ZNF169: variants seen among roughly 807,000 people sequenced by gnomAD.
ZNF169 encodes zinc finger protein 169.
A neutral mutation model predicts 12.0 loss-of-function variants in ZNF169; 11 were observed. The observed-to-expected ratio is 0.92, with a 90% confidence interval of 0.58 to 1.52. The LOEUF is 1.52. Among genes scored for constraint, ZNF169 ranks in the 40% most tolerant of loss-of-function variants. ZNF169 has a pLI of 0.00. For missense variants in ZNF169, 722 were observed against 744.0 expected, an observed-to-expected ratio of 0.97 and a Z score of 0.34; for synonymous variants, 302 against 286.5, an observed-to-expected ratio of 1.05 and a Z score of -0.55.
chr9:94,291,117 T>G (rs916324423), intron 2 of ZNF169, among the ~76,000 whole-genome samples: 1 of 141,672 alleles, frequency 7.1e-6, no homozygotes, highest in Non-Finnish European at 1.5e-5. Flanking sequence ...TGTAGTGGTG[T>G]AATCTCGGCT....
intron 2 of ZNF169, among the ~76,000 whole-genome samples, chr9:94,289,875 G>A (rs572386027): frequency 2.0e-5 from 3 of 151,966 alleles, no homozygotes; most frequent in African/African-American, 7.2e-5. Context: ...AGTAACCCAT[G>A]AGAAATTTGT....
At position 94,292,968 on chromosome 9, in the gene ZNF169, G is replaced by C. The variant is rs1381754488; in HGVS notation, c.161-6G>C. ...GATCACCTTGGTTTTTTTTTCCTGTGAGTAGGAATTGCATTTTCCAAACCA... is the reference window on the plus strand; with the variant it reads ...GATCACCTTGGTTTTTTTTTCCTGTCAGTAGGAATTGCATTTTCCAAACCA... On this transcript the variant is annotated splice_polypyrimidine_tract_variant and splice_region_variant and intron_variant, in intron 3 of 4. Transcript: ENST00000395395. 6.3e-7 allele frequency: 1 copy of C among 1,599,680 alleles called. No individual in the cohort carries two copies. The highest frequency in any genetic ancestry group is 8.5e-7 in the Non-Finnish European group (1 of 1,173,194).
chr9:94,285,942 C>T (rs917686275), intron 2 of ZNF169, among the ~76,000 whole-genome samples: 4 of 150,390 alleles, frequency 2.7e-5, no homozygotes, highest in African/African-American at 4.9e-5. Flanking sequence ...ACCCAGGAGG[C>T]GGAGGTTGCA....
At chr9:94,279,077 C>G (rs550141906) in intron 2 of ZNF169, among the ~76,000 whole-genome samples, 6 of 152,094 alleles carry the variant, frequency 3.9e-5, no homozygotes, top group Non-Finnish European at 8.8e-5. Flanking sequence ...TACAGGACAT[C>G]CATGCTTATG....
chr9:94,269,472 G>A (rs1370837595), intron 1 of ZNF169, among the ~76,000 whole-genome samples: 1 of 152,116 alleles, frequency 6.6e-6, no homozygotes, highest in East Asian at 1.9e-4. Context: ...CCTCTGGAGG[G>A]TCCCCTGGGA....
chr9:94,289,637 A>G (rs1033598111), intron 2 of ZNF169, among the ~76,000 whole-genome samples: 2 of 152,124 alleles, frequency 1.3e-5, no homozygotes, highest in Non-Finnish European at 2.9e-5. Context: ...TAAAAATACA[A>G]AAATTAGCTG....
Position 94,300,633 on chromosome 9 carries a change from G to A in ZNF169, c.1075G>A (p.Ala359Thr), listed in dbSNP as rs1179414925. The A allele has an allele frequency of 5.0e-6, 8 of 1,613,814 alleles. No individual in the cohort carries two copies. The highest frequency in any genetic ancestry group is 3.3e-5 in the South Asian group (3 of 91,084). The stretch of plus-strand genomic sequence containing the variant: ...GTGTGGGAGAGGCTTTTGCCAGAAG[G>A]CATCACTCCTCCAGCACCAGAGCTC... ...PECGRGFCQK[A>T]SLLQHQSSHT... Residue 359 changes from alanine to threonine, a missense_variant, in exon 5 of 5, where the codon GCA becomes ACA. By Grantham distance (58) the Ala-to-Thr change is moderately conservative. Coordinates refer to ENST00000395395, the MANE Select transcript of ZNF169 (RefSeq NM_194320.4).
chr9:94,282,259 TA>T (rs113674447), intron 2 of ZNF169, among the ~76,000 whole-genome samples: 1 of 151,904 alleles, frequency 6.6e-6, no homozygotes, highest in Non-Finnish European at 1.5e-5. Flanking sequence ...TTGGGCAAGA[TA>T]AAAAAAATCA....
intron 2 of ZNF169, among the ~76,000 whole-genome samples, chr9:94,291,876 A>G (rs1173248672): frequency 5.3e-5 from 8 of 152,262 alleles, no homozygotes; most frequent in African/African-American, 1.9e-4. Context: ...AAGATCCAAT[A>G]TAGTAAAGAT....
chr9:94,277,727 C>T (rs377199117), intron 1 of ZNF169, among the ~76,000 whole-genome samples: 2 of 151,696 alleles, frequency 1.3e-5, no homozygotes, highest in Non-Finnish European at 2.9e-5. Flanking sequence ...GTCAGGAGAT[C>T]GAGACCATCC....
At chr9:94,271,932 T>TAA (rs35485933) in intron 1 of ZNF169, among the ~76,000 whole-genome samples, 86,083 of 151,488 alleles carry the variant, frequency 0.57, 24,520 homozygotes, top group Middle Eastern at 0.64. Flanking sequence ...CTCTCCTACT[T>TAA]GTATTTGACA....
chr9:94,298,971 A>G (rs1304764104), intron 4 of ZNF169, among the ~76,000 whole-genome samples: 1 of 152,342 alleles, frequency 6.6e-6, no homozygotes, highest in South Asian at 2.1e-4. Flanking sequence ...AAATATGTAT[A>G]ATCCCTGAAA....
At chr9:94,260,789 G>C (rs1423934377) in intron 1 of ZNF169, among the ~76,000 whole-genome samples, 1 of 150,066 alleles carries the variant, frequency 6.7e-6, no homozygotes, top group Non-Finnish European at 1.5e-5. Flanking sequence ...GGAAGAAGTT[G>C]GGTGGAAGGC....
At chr9:94,290,084 T>G (rs972803136) in intron 2 of ZNF169, among the ~76,000 whole-genome samples, 1 of 152,186 alleles carries the variant, frequency 6.6e-6, no homozygotes, top group East Asian at 1.9e-4. Context: ...ATTTAAGTCA[T>G]GTAATGTTGG....
At chr9:94,288,310 G>T (rs1489735579) in intron 2 of ZNF169, 1 of 879,142 alleles carries the variant, frequency 1.1e-6, no homozygotes, top group Non-Finnish European at 1.9e-6. Flanking sequence ...CTCAGTGCCT[G>T]GTGTGTTGTC....
intron 1 of ZNF169, among the ~76,000 whole-genome samples, chr9:94,278,013 A>G (rs1282481831): frequency 6.6e-6 from 1 of 152,110 alleles, no homozygotes; most frequent in African/African-American, 2.4e-5. Flanking sequence ...CACATATTGA[A>G]TTGTCTCTTG....
intron 1 of ZNF169, among the ~76,000 whole-genome samples, chr9:94,276,902 CAA>C (rs1472050956): frequency 6.6e-6 from 1 of 151,976 alleles, no homozygotes; most frequent in African/African-American, 2.4e-5. Context: ...ACACTGTTGA[CAA>C]AAAGAGTCAA....
intron 2 of ZNF169, 77 bp downstream of exon 2, chr9:94,278,922 G>A: frequency 6.7e-7 from 1 of 1,484,530 alleles, no homozygotes; most frequent in South Asian, 1.2e-5. Flanking sequence ...TGCCTTCTTG[G>A]TGTTAGGCAA....
intron 4 of ZNF169, chr9:94,293,344 C>T: frequency 1.7e-6 from 1 of 592,698 alleles, no homozygotes. Context: ...CATTCTTGGG[C>T]TCATGTGGTT....
Sources: allele counts gnomAD v4.1 joint callset (sites outside exome capture counted in the v4.1 genomes callset), GRCh38; gene constraint gnomAD v4.1.1; transcripts MANE v1.5; gene names NCBI Gene and HGNC (gene_info 2026-07-23, HGNC 2026-07-21).